Variants in RAG1 observed in about 807,000 individuals in gnomAD.
RAG1 encodes recombination activating 1, also known as V(D)J recombination-activating protein 1.
In RAG1, 35 loss-of-function variants were observed where a neutral mutation model predicts 62.7. That is an observed-to-expected ratio of 0.56 (90% CI 0.43 to 0.74). The LOEUF (loss-of-function observed/expected upper bound fraction) is 0.74. Ranked by LOEUF, RAG1 falls within the 30% of genes least tolerant of loss-of-function variation. RAG1 has a pLI of 0.00. For synonymous variants in RAG1, 461 were observed against 470.3 expected, an observed-to-expected ratio of 0.98 and a Z score of 0.26; for missense variants, 1,169 against 1,278.6, an observed-to-expected ratio of 0.91 and a Z score of 1.31.
chr11:36,524,897 A>T (rs1860136689), intron 2 of RAG1, among the ~76,000 whole-genome samples: 1 of 152,122 alleles, frequency 6.6e-6, no homozygotes, highest in South Asian at 2.1e-4. Context: ...ATGTCTTTTC[A>T]TATCATTTGC....
At chr11:36,565,756 T>C (rs1038920867), upstream of RAG1, 1 of 152,184 alleles carries the variant, frequency 6.6e-6, no homozygotes, top group Admixed American at 6.5e-5. Context: ...AATGGGCCAT[T>C]ATTTAACTTG....
chr11:36,537,174 T>C (rs936377795), downstream of RAG1, among the ~76,000 whole-genome samples: 3 of 152,190 alleles, frequency 2.0e-5, no homozygotes, highest in South Asian at 4.1e-4. Flanking sequence ...GCCTCAGTTA[T>C]GTAAGATGAG....
Position 36,574,014 on chromosome 11 carries a change from A to T in RAG1, c.710A>T (p.Lys237Ile). 6.2e-7 allele frequency: 1 copy of T among 1,614,176 alleles called. No homozygotes were observed. The highest frequency in any genetic ancestry group is 8.5e-7 in the Non-Finnish European group (1 of 1,180,032). ...AACTTGCAGCTCAGCAAAAAACTCA[A>T]AACTGTGCTTGACCAAGCAAGACAA... Reference protein sequence around the residue: ...QPNLQLSKKLKTVLDQARQAR... With the variant: ...QPNLQLSKKLITVLDQARQAR... Residue 237 changes from lysine to isoleucine, a missense_variant, in exon 2 of 2, where the codon AAA (lysine) becomes ATA (isoleucine). By Grantham distance (102) the Lys-to-Ile change is moderately radical. Around this residue, in one of 2 missense-constraint regions of RAG1, gnomAD observed 369 missense variants for 335.3 expected, o/e 1.10. Transcript: ENST00000299440.
chr11:36,537,593 G>T (rs1860351766), downstream of RAG1, among the ~76,000 whole-genome samples: 2 of 152,030 alleles, frequency 1.3e-5, no homozygotes, highest in South Asian at 4.1e-4. Flanking sequence ...CTTTGAAAAA[G>T]ATTTTTTCAA....
chr11:36,571,046 T>G (rs1351252714), intron 1 of RAG1, among the ~76,000 whole-genome samples: 1 of 152,190 alleles, frequency 6.6e-6, no homozygotes, highest in African/African-American at 2.4e-5. Flanking sequence ...TTTGTCCACT[T>G]TTGCTTTGGT....
intron 2 of RAG1, among the ~76,000 whole-genome samples, chr11:36,534,553 C>A (rs1215858130): frequency 1.3e-5 from 2 of 152,170 alleles, no homozygotes; most frequent in Non-Finnish European, 1.5e-5. Context: ...ACTGCCATGG[C>A]AATCCTCACT....
rs181243389 is a variant in RAG1 at position 36,549,343 on chromosome 11, G to A, written c.-412+13309G>A. Among the ~76,000 whole-genome samples the A allele has an allele frequency of 3.5e-3, 532 of 152,142 alleles. 29 individuals are homozygous for A. In the East Asian group the frequency reaches 0.09, roughly 26 times the overall value. On this transcript the variant is annotated intron_variant and NMD_transcript_variant, in intron 3 of 9. Coordinates refer to the RAG1 transcript ENST00000534663. The stretch of plus-strand genomic sequence containing the variant: ...TCATCAGAGTGAACAGGCAACCTAT[G>A]GAATGGGAGAAAATGTTTGCAATCT...
At chr11:36,545,258 A>T (rs978013180) in intron 3 of RAG1, among the ~76,000 whole-genome samples, 2 of 152,184 alleles carry the variant, frequency 1.3e-5, no homozygotes, top group African/African-American at 2.4e-5. Flanking sequence ...TGTCCCCCCA[A>T]AATTCACATG....
chr11:36,548,163 A>G (rs1173332010), intron 3 of RAG1, among the ~76,000 whole-genome samples: 3 of 152,240 alleles, frequency 2.0e-5, no homozygotes, highest in Non-Finnish European at 2.9e-5. Context: ...CTCAGAGCCA[A>G]TATCATACTG....
At chr11:36,541,792 T>G (rs2133265181) in intron 3 of RAG1, among the ~76,000 whole-genome samples, 1 of 152,266 alleles carries the variant, frequency 6.6e-6, no homozygotes, top group South Asian at 2.1e-4. Context: ...TCCCAGCTAC[T>G]TAGGTTATAA....
downstream of RAG1, among the ~76,000 whole-genome samples, chr11:36,540,581 G>T (rs1291318018): frequency 1.3e-5 from 2 of 151,802 alleles, no homozygotes; most frequent in African/African-American, 2.4e-5. Context: ...ATTTTTTTTG[G>T]ATTTTTAGTA....
intron 1 of RAG1, among the ~76,000 whole-genome samples, chr11:36,511,308 C>T (rs1859917293): frequency 6.6e-6 from 1 of 152,048 alleles, no homozygotes. Flanking sequence ...TTAAAAATTA[C>T]CTGGGTGTGG....
At chr11:36,534,057 A>T (rs973556919) in intron 2 of RAG1, among the ~76,000 whole-genome samples, 2 of 151,690 alleles carry the variant, frequency 1.3e-5, no homozygotes, top group African/African-American at 4.8e-5. Context: ...CTCATTGGTT[A>T]AAAAAAATAT....
chr11:36,573,783 G>A lies in RAG1; in HGVS notation c.479G>A (p.Arg160Gln), dbSNP rs781438678. The change falls in exon 2 of 2, where the codon CGG becomes CAG. Residue 160 changes from arginine to glutamine, a missense_variant. Coordinates refer to ENST00000299440, the MANE Select transcript of RAG1 (RefSeq NM_000448.3). ...SWPDLIAKVF[R>Q]IDVKADVDSI... ...CCGGACCTCATTGCCAAGGTTTTCC[G>A]GATCGATGTGAAGGCAGATGTTGAC... 6 of 1,613,942 alleles carry A rather than the reference G, an allele frequency of 3.7e-6. No individual in the cohort carries two copies. The highest frequency in any genetic ancestry group is 3.3e-5 in the South Asian group (3 of 91,084).
At chr11:36,548,579 C>A (rs1424565601) in intron 3 of RAG1, among the ~76,000 whole-genome samples, 2 of 152,082 alleles carry the variant, frequency 1.3e-5, no homozygotes, top group African/African-American at 2.4e-5. Context: ...TGTGAAGGAC[C>A]TCTTCAAGGA....
At chr11:36,511,556 A>G (rs988029690) in intron 1 of RAG1, among the ~76,000 whole-genome samples, 1 of 152,200 alleles carries the variant, frequency 6.6e-6, no homozygotes, top group Non-Finnish European at 1.5e-5. Flanking sequence ...GCCAATATTC[A>G]TTAAAAATGC....
rs535054533 is a variant in RAG1, at chr11:36,579,526, G to A, written c.*3090G>A. On this transcript the variant is annotated 3_prime_UTR_variant, in exon 2 of 2. Transcript: ENST00000299440. ...TTTCTTACAAATAACCTTACATTTTGTTTAATGGCTTCCAAGAGCCTTTTT... is the reference window on the plus strand; with the variant it reads ...TTTCTTACAAATAACCTTACATTTTATTTAATGGCTTCCAAGAGCCTTTTT... The A allele has an allele frequency of 1.9e-5, 3 of 160,916 alleles. No individual in the cohort carries two copies. The South Asian group carries it at 6.4e-4, about 34-fold the overall frequency. 10.0% of individuals were successfully genotyped at this position (160,916 alleles called of 1,614,324 possible).
upstream of RAG1, among the ~76,000 whole-genome samples, chr11:36,564,783 A>G (rs1262238916): frequency 6.6e-5 from 10 of 152,352 alleles, no homozygotes. Context: ...CCGCCAGTGC[A>G]GGGTGGCGAG....
rs1235434764 is a variant in RAG1, at chr11:36,573,362, C to T, written c.58C>T (p.His20Tyr). The T allele has an allele frequency of 6.2e-7, 1 of 1,614,162 alleles. No individual in the cohort carries two copies. Among genetic ancestry groups the T allele is most frequent in the Non-Finnish European group, 8.5e-7 (1 of 1,180,018 alleles). The change falls in exon 2 of 2, where the codon CAC becomes TAC. Residue 20 changes from histidine to tyrosine, a missense_variant. By Grantham distance (83) the His-to-Tyr change is moderately conservative (BLOSUM62 2). This residue lies in a region of RAG1 where 369 missense variants were observed against 335.3 expected (regional missense o/e 1.10). Transcript: ENST00000299440. ...CAGTTCTGCCCCAGATGAAATTCAG[C>T]ACCCACATATTAAATTTTCAGAATG... ...GLSSAPDEIQ[H>Y]PHIKFSEWKF...
Sources: gnomAD v4.1 joint callset for allele counts (sites outside exome capture counted in the v4.1 genomes callset) on GRCh38, gnomAD v4.1.1 for gene constraint, gnomAD v4.1.1 regional missense constraint, MANE v1.5 for transcripts, NCBI Gene and HGNC (gene_info 2026-07-23, HGNC 2026-07-21) for gene names.